The following TEX9 variants were observed in gnomAD, a reference collection of about 807,000 sequenced individuals.
TEX9 encodes the protein testis expressed 9.
A neutral mutation model predicts 59.6 loss-of-function variants in TEX9; 74 were observed. That is an observed-to-expected ratio of 1.24 (90% confidence interval 1.03 to 1.51). The LOEUF (loss-of-function observed/expected upper bound fraction) is 1.51. TEX9 is among the 40% of genes most tolerant of loss of function. The probability of loss-of-function intolerance (pLI) is 0.00; values close to 1 mark genes in which losing one functional copy is unlikely to be tolerated. For synonymous variants in TEX9, 186 were observed against 152.2 expected (o/e 1.22, Z -1.64); for missense variants, 522 against 447.8 (o/e 1.17, Z -1.49).
chr15:56,374,162 A>G (rs957943192), intron 3 of TEX9: 2 of 151,966 alleles, frequency 1.3e-5, no homozygotes, highest in Non-Finnish European at 2.9e-5. Context: ...AGTTTTTGCC[A>G]GTGTCTGAAA....
At chr15:56,399,570 C>A (rs1315730286) in intron 9 of TEX9, among the ~76,000 whole-genome samples, 1 of 152,244 alleles carries the variant, frequency 6.6e-6, no homozygotes, top group African/African-American at 2.4e-5. Flanking sequence ...CTTCTGCAGA[C>A]TTAAACGTCC....
At chr15:56,433,333 C>T (rs543708555) in intron 12 of TEX9, among the ~76,000 whole-genome samples, 6 of 151,906 alleles carry the variant, frequency 3.9e-5, no homozygotes, top group African/African-American at 4.8e-5. Context: ...ACCTAGATGA[C>T]GGGTTGATAG....
intron 1 of TEX9, among the ~76,000 whole-genome samples, chr15:56,294,141 T>G (rs1449248618): frequency 6.6e-6 from 1 of 152,144 alleles, no homozygotes; most frequent in African/African-American, 2.4e-5. Context: ...TAAAGTGCAG[T>G]CCACTAGTGC....
intron 1 of TEX9, among the ~76,000 whole-genome samples, chr15:56,276,870 G>A (rs1393567245): frequency 1.3e-5 from 2 of 152,178 alleles, no homozygotes; most frequent in Non-Finnish European, 2.9e-5. Context: ...TAACTGGTGT[G>A]AGATGGTATT....
At chr15:56,303,975 T>G (rs1376679312) in intron 1 of TEX9, among the ~76,000 whole-genome samples, 1 of 152,150 alleles carries the variant, frequency 6.6e-6, no homozygotes, top group African/African-American at 2.4e-5. Flanking sequence ...AACGGACTAA[T>G]AACAAGTAAT....
At chr15:56,369,000 T>A (rs1293832977) in intron 2 of TEX9, among the ~76,000 whole-genome samples, 1 of 152,174 alleles carries the variant, frequency 6.6e-6, no homozygotes, top group Non-Finnish European at 1.5e-5. Flanking sequence ...TCTTATTTCT[T>A]AATAAATATA....
chr15:56,331,322 A>G (rs2046137156), intron 1 of TEX9, among the ~76,000 whole-genome samples: 1 of 152,234 alleles, frequency 6.6e-6, no homozygotes, highest in South Asian at 2.1e-4. Flanking sequence ...ATATTTACAG[A>G]ACATTTCATC....
chr15:56,289,625 T>C (rs2045039917), intron 1 of TEX9, among the ~76,000 whole-genome samples: 1 of 152,202 alleles, frequency 6.6e-6, no homozygotes, highest in South Asian at 2.1e-4. Flanking sequence ...TTTCTTTTGC[T>C]CTCATAGGGG....
chr15:56,311,412 C>G (rs200797686), intron 1 of TEX9, among the ~76,000 whole-genome samples: 4 of 125,830 alleles, frequency 3.2e-5, no homozygotes, highest in African/African-American at 1.2e-4. Context: ...TTTGTTCTTG[C>G]GATAGTTTAC....
At chr15:56,288,730 G>A (rs984727656) in intron 1 of TEX9, among the ~76,000 whole-genome samples, 3 of 152,012 alleles carry the variant, frequency 2.0e-5, no homozygotes, top group Non-Finnish European at 4.4e-5. Flanking sequence ...TGTTTGTATT[G>A]AATCTGATTG....
intron 1 of TEX9, among the ~76,000 whole-genome samples, chr15:56,327,268 C>T (rs1370289845): frequency 2.6e-5 from 4 of 151,962 alleles, no homozygotes; most frequent in African/African-American, 9.7e-5. Flanking sequence ...ATTTAATTTC[C>T]TGATTGGACA....
chr15:56,420,698 T>G lies in TEX9; in HGVS notation c.964-6907T>G, dbSNP rs183228528. 3.9e-5 allele frequency among the ~76,000 whole-genome samples: 6 copies of G among 152,120 alleles called. No individual in the cohort carries two copies. In the East Asian group the frequency reaches 1.2e-3, roughly 29 times the overall value. On this transcript the variant is annotated intron_variant, in intron 10 of 12. Coordinates refer to ENST00000352903, the Ensembl canonical transcript of TEX9. ...TAAGCATTTAAACACTGTAAATGTT[T>G]CTCTATGAATTTCCTTAGCTACTTC...
chr15:56,441,820 C>T (rs1436074677), intron 12 of TEX9, among the ~76,000 whole-genome samples: 1 of 152,062 alleles, frequency 6.6e-6, no homozygotes, highest in Non-Finnish European at 1.5e-5. Flanking sequence ...CGAGACCATC[C>T]TGGCTAACAC....
rs528515586 is a variant in TEX9, at chr15:56,306,905, A to T, written c.-107+62627A>T. Among the ~76,000 whole-genome samples the T allele has an allele frequency of 2.1e-4, 32 of 152,364 alleles. No individual in the cohort carries two copies. The South Asian group carries it at 6.6e-3, about 32-fold the overall frequency. ...TGTACCCATGAAACATTGAAAATTA[A>T]AAGAAACTTATACCGGCCATTAATA... On this transcript the variant is annotated intron_variant, in intron 1 of 5. Transcript: ENST00000560827.
At chr15:56,430,996 AC>A (rs1176811375) in intron 12 of TEX9, among the ~76,000 whole-genome samples, 1 of 152,136 alleles carries the variant, frequency 6.6e-6, no homozygotes, top group Non-Finnish European at 1.5e-5. Flanking sequence ...TCCTGTCCTT[AC>A]CAAAAATACA....
intron 1 of TEX9, among the ~76,000 whole-genome samples, chr15:56,339,675 TC>T (rs1400598632): frequency 6.6e-6 from 1 of 151,802 alleles, no homozygotes; most frequent in African/African-American, 2.4e-5. Context: ...AATGCTTACG[TC>T]CCCCCGCCAA....
In TEX9 at chr15:56,369,021, A is replaced by G. The variant is rs1212294661; in HGVS notation, c.119+3351A>G. ...TTCTTAATAAATATATTTAGTCTTT[A>G]AATTTCTCTCCAACTGTAGGTTAAC... On this transcript the variant is annotated intron_variant, in intron 2 of 12. Coordinates refer to ENST00000352903, the Ensembl canonical transcript of TEX9. 1.8e-4 allele frequency among the ~76,000 whole-genome samples: 27 copies of G among 152,090 alleles called. 1 individual carries two copies. The highest frequency in any genetic ancestry group is 6.0e-4 in the African/African-American group (25 of 41,528).
At chr15:56,446,835 G>C (rs764151912), downstream of TEX9, 29 of 1,586,292 alleles carry the variant, frequency 1.8e-5, no homozygotes, top group South Asian at 3.1e-4. Flanking sequence ...CCAGAAACAT[G>C]ATTACCATTT....
Position 56,345,079 on chromosome 15 carries a change from A to G in TEX9, c.-106-28362A>G, listed in dbSNP as rs569426486. Among the ~76,000 whole-genome samples the G allele has an allele frequency of 4.9e-4, 57 of 116,098 alleles. No individual in the cohort carries two copies. In the East Asian group the frequency reaches 8.8e-3, roughly 18 times the overall value. The allele number at this position is 116,098 out of a possible 152,430, so 76.2% of individuals were successfully genotyped here. On this transcript the variant is annotated intron_variant, in intron 1 of 5. Coordinates refer to the TEX9 transcript ENST00000560827. ...TATACACACACACATATATATATGT[A>G]TATATATATATGTATATATAATTTG...
Sources: allele counts gnomAD v4.1 joint callset (sites outside exome capture counted in the v4.1 genomes callset), GRCh38; gene constraint gnomAD v4.1.1; transcripts MANE v1.5; gene names NCBI Gene and HGNC (gene_info 2026-07-23, HGNC 2026-07-21).